Variants in PRDM5 observed in about 807,000 individuals in gnomAD.
The protein encoded by PRDM5 is PR/SET domain 5.
A neutral mutation model predicts 81.2 loss-of-function variants in PRDM5; 56 were observed. That is an observed-to-expected ratio of 0.69 (90% CI 0.56 to 0.86). The LOEUF (loss-of-function observed/expected upper bound fraction) is 0.86. Among genes scored for constraint, PRDM5 ranks in the 40% least tolerant of loss-of-function variants. The pLI, the probability that PRDM5 is intolerant of heterozygous loss-of-function variation, is 0.00. For synonymous variants in PRDM5, 267 were observed against 256.4 expected, an observed-to-expected ratio of 1.04 and a Z score of -0.39; for missense variants, 697 against 770.1, an observed-to-expected ratio of 0.91 and a Z score of 1.12.
Position 120,922,698 on chromosome 4 carries a change from G to C in PRDM5, c.-90C>G. 3 of 1,507,840 alleles carry C rather than the reference G, an allele frequency of 2.0e-6. No individual in the cohort carries two copies. The highest frequency in any genetic ancestry group is 2.7e-6 in the Non-Finnish European group (3 of 1,111,068). The allele number at this position is 1,507,840 out of a possible 1,614,324, so 93.4% of individuals were successfully genotyped here. On this transcript the variant is annotated 5_prime_UTR_variant, in exon 1 of 16. Transcript: ENST00000264808. ...TCGAAATTTGGGGTGCCAGGGTAGA[G>C]GGGAGAAACCGGCAGGGAAGGAGGA...
At chr4:120,871,183 C>T (rs1167546693) in intron 2 of PRDM5, among the ~76,000 whole-genome samples, 2 of 152,188 alleles carry the variant, frequency 1.3e-5, no homozygotes, top group African/African-American at 4.8e-5. Flanking sequence ...CTCTCTAGTT[C>T]CACATAATGT....
chr4:120,778,192 AT>A (rs1254902913), intron 12 of PRDM5, among the ~76,000 whole-genome samples: 2 of 152,144 alleles, frequency 1.3e-5, no homozygotes, highest in Non-Finnish European at 2.9e-5. Context: ...TAACCTAAAA[AT>A]TAATAAAAGT....
intron 3 of PRDM5, among the ~76,000 whole-genome samples, chr4:120,848,118 G>T (rs1758860173): frequency 6.6e-6 from 1 of 152,154 alleles, no homozygotes; most frequent in Non-Finnish European, 1.5e-5. Context: ...AACAAGAATA[G>T]ATGTTGCCTA....
chr4:120,805,299 T>C (rs902959966), intron 8 of PRDM5, among the ~76,000 whole-genome samples: 2 of 152,208 alleles, frequency 1.3e-5, no homozygotes, highest in Non-Finnish European at 2.9e-5. Flanking sequence ...CCATTTCTTC[T>C]GAAACTATTC....
chr4:120,698,407 G>A (rs1322722548), intron 15 of PRDM5, among the ~76,000 whole-genome samples: 2 of 151,832 alleles, frequency 1.3e-5, no homozygotes, highest in Admixed American at 6.6e-5. Flanking sequence ...TTTATTTTCC[G>A]GAATAGGCCC....
At chr4:120,883,669 C>T (rs1009511576) in intron 2 of PRDM5, among the ~76,000 whole-genome samples, 8 of 151,696 alleles carry the variant, frequency 5.3e-5, no homozygotes, top group African/African-American at 7.3e-5. Flanking sequence ...CAAGATGGCA[C>T]GTGTATACAT....
At chr4:120,774,405 C>CA (rs1161547835) in intron 13 of PRDM5, among the ~76,000 whole-genome samples, 11 of 152,194 alleles carry the variant, frequency 7.2e-5, no homozygotes, top group African/African-American at 2.2e-4. Context: ...GGAAAAGTAA[C>CA]ACAGGGAGAA....
intron 14 of PRDM5, among the ~76,000 whole-genome samples, chr4:120,732,490 C>A (rs1740418515): frequency 6.6e-6 from 1 of 152,042 alleles, no homozygotes. Flanking sequence ...AAATTCCTAA[C>A]AAGTAAATTT....
At chr4:120,784,378 T>C (rs1057219522) in intron 11 of PRDM5, among the ~76,000 whole-genome samples, 1 of 152,082 alleles carries the variant, frequency 6.6e-6, no homozygotes, top group African/African-American at 2.4e-5. Context: ...ATGGTGTGTA[T>C]GTATAAAATT....
chr4:120,872,936 T>C (rs1461777715), intron 2 of PRDM5, among the ~76,000 whole-genome samples: 1 of 152,186 alleles, frequency 6.6e-6, no homozygotes, highest in African/African-American at 2.4e-5. Flanking sequence ...ACTACTGAAC[T>C]CTACACTTAA....
At chr4:120,717,059 T>C (rs1166405718) in intron 14 of PRDM5, among the ~76,000 whole-genome samples, 1 of 77,886 alleles carries the variant, frequency 1.3e-5, no homozygotes, top group Non-Finnish European at 2.9e-5. Flanking sequence ...CTTTGAACAT[T>C]GTGAAAAAAA....
At chr4:120,854,621 T>A (rs1759660978) in intron 2 of PRDM5, among the ~76,000 whole-genome samples, 1 of 152,110 alleles carries the variant, frequency 6.6e-6, no homozygotes, top group Admixed American at 6.6e-5. Flanking sequence ...GCATCAAGAA[T>A]CTTTCAGTGA....
chr4:120,746,389 TA>T (rs1743049531), intron 14 of PRDM5, among the ~76,000 whole-genome samples: 2 of 145,852 alleles, frequency 1.4e-5, no homozygotes, highest in Non-Finnish European at 3.0e-5. Flanking sequence ...ACTTCATGTC[TA>T]AAACACCAAA....
intron 14 of PRDM5, among the ~76,000 whole-genome samples, chr4:120,725,538 A>G (rs926782799): frequency 3.3e-5 from 5 of 152,154 alleles, no homozygotes; most frequent in Admixed American, 6.5e-5. Context: ...TTTTCAGTTC[A>G]GTGTGTTCCT....
At chr4:120,874,807 G>A (rs1762181679) in intron 2 of PRDM5, among the ~76,000 whole-genome samples, 1 of 152,244 alleles carries the variant, frequency 6.6e-6, no homozygotes, top group Non-Finnish European at 1.5e-5. Context: ...CCAGATTGCA[G>A]ATTTTGTCTA....
Position 120,716,479 on chromosome 4 carries a change from C to A in PRDM5, c.1624-6066G>T, listed in dbSNP as rs916027486. On this transcript the variant is annotated intron_variant, in intron 14 of 15. Transcript: ENST00000264808. ...TTGCCCTAAGAGAAGCACATGAAGGCCCCACGAGCATACTTCTATGTTAGT... is the reference window on the plus strand; with the variant it reads ...TTGCCCTAAGAGAAGCACATGAAGGACCCACGAGCATACTTCTATGTTAGT... 2.0e-5 allele frequency among the ~76,000 whole-genome samples: 3 copies of A among 152,122 alleles called. No individual in the cohort carries two copies. In the South Asian group the frequency reaches 6.2e-4, roughly 32 times the overall value.
intron 1 of PRDM5, among the ~76,000 whole-genome samples, chr4:120,916,423 ATAGC>A (rs1486696971): frequency 4.9e-5 from 7 of 141,878 alleles, no homozygotes; most frequent in Non-Finnish European, 9.4e-5. Context: ...AAATAAATAA[ATAGC>A]TAAATGTAAT....
At chr4:120,755,570 C>G (rs977585883) in intron 13 of PRDM5, among the ~76,000 whole-genome samples, 1 of 152,148 alleles carries the variant, frequency 6.6e-6, no homozygotes. Context: ...CTCTCATGTT[C>G]CATTTGGTTC....
chr4:120,744,546 AG>A (rs1223431067), intron 14 of PRDM5, among the ~76,000 whole-genome samples: 11 of 152,122 alleles, frequency 7.2e-5, no homozygotes, highest in Non-Finnish European at 1.3e-4. Flanking sequence ...AGACTAATAA[AG>A]AAAAAAAGAG....
Sources: allele counts gnomAD v4.1 joint callset (sites outside exome capture counted in the v4.1 genomes callset), GRCh38; gene constraint gnomAD v4.1.1; transcripts MANE v1.5; gene names NCBI Gene and HGNC (gene_info 2026-07-23, HGNC 2026-07-21).